LEKR1: variants seen among roughly 807,000 people sequenced by gnomAD.
The protein encoded by LEKR1 is protein LEKR1.
Under a neutral mutation model 72.4 loss-of-function variants are expected in LEKR1, and 59 were observed. The ratio of observed to expected loss-of-function variants is 0.82; its 90% CI spans 0.66 to 1.01. The LOEUF (loss-of-function observed/expected upper bound fraction) is 1.01, where lower values mean the gene tolerates loss of function less well. Among genes scored for constraint, LEKR1 ranks in the 50% least tolerant of loss-of-function variants. The pLI is 0.00. For missense variants in LEKR1, 728 were observed against 759.2 expected, an observed-to-expected ratio of 0.96 and a Z score of 0.48; for synonymous variants, 257 against 263.2, an observed-to-expected ratio of 0.98 and a Z score of 0.23.
intron 3 of LEKR1, among the ~76,000 whole-genome samples, chr3:156,897,397 A>G (rs1288311565): frequency 6.6e-6 from 1 of 152,150 alleles, no homozygotes; most frequent in Non-Finnish European, 1.5e-5. Context: ...CACAGCCCTC[A>G]GGAGGTCCTG....
At chr3:156,909,199 CT>C (rs946004203) in intron 3 of LEKR1, among the ~76,000 whole-genome samples, 1 of 152,110 alleles carries the variant, frequency 6.6e-6, no homozygotes, top group African/African-American at 2.4e-5. Flanking sequence ...AATTAAACCT[CT>C]TTCTTTTGTA....
chr3:156,939,421 T>C (rs138864352), intron 5 of LEKR1, among the ~76,000 whole-genome samples: 28 of 152,342 alleles, frequency 1.8e-4, no homozygotes, highest in Non-Finnish European at 3.2e-4. Flanking sequence ...AATAAATTTC[T>C]GTTGTTTAAG....
intron 3 of LEKR1, among the ~76,000 whole-genome samples, chr3:156,883,629 T>C (rs557303271): frequency 7.2e-5 from 11 of 152,304 alleles, no homozygotes; most frequent in African/African-American, 2.4e-4. Context: ...CTCATGGTAG[T>C]GAATAAGTCT....
At chr3:157,035,350 A>T (rs1734887141) in intron 12 of LEKR1, among the ~76,000 whole-genome samples, 1 of 152,152 alleles carries the variant, frequency 6.6e-6, no homozygotes, top group Non-Finnish European at 1.5e-5. Context: ...ATCATCAGAG[A>T]TGTCCTCCCA....
intron 10 of LEKR1, chr3:157,017,531 A>G (rs1232084467): frequency 6.6e-6 from 1 of 152,254 alleles, no homozygotes; most frequent in Non-Finnish European, 1.5e-5. Flanking sequence ...ATTCTTCTGT[A>G]AAGGGTATAC....
At chr3:156,923,729 TA>T (rs1475147680) in intron 4 of LEKR1, among the ~76,000 whole-genome samples, 14 of 117,872 alleles carry the variant, frequency 1.2e-4, no homozygotes, top group Admixed American at 3.3e-4. Context: ...AATGTATATT[TA>T]ATTTTTTTTT....
At chr3:156,948,984 T>A (rs1576881825) in intron 6 of LEKR1, among the ~76,000 whole-genome samples, 1 of 151,382 alleles carries the variant, frequency 6.6e-6, no homozygotes, top group Admixed American at 6.6e-5. Flanking sequence ...CTGTTCATGA[T>A]CTTTGCCCAC....
intron 2 of LEKR1, among the ~76,000 whole-genome samples, chr3:156,835,750 T>G (rs906440992): frequency 6.6e-6 from 1 of 151,692 alleles, no homozygotes; most frequent in African/African-American, 2.4e-5. Context: ...ACACCAAGGC[T>G]AAAAGTTCTC....
At chr3:157,017,948 C>CAAAAAAAAAAAA (rs58950224) in intron 10 of LEKR1, among the ~76,000 whole-genome samples, 110 of 82,942 alleles carry the variant, frequency 1.3e-3, no homozygotes, top group East Asian at 4.5e-3. Flanking sequence ...GACTCTGTCT[C>CAAAAAAAAAAAA]AAAAAAAAAA....
intron 7 of LEKR1, chr3:156,979,616 G>C (rs1730002041): frequency 6.3e-6 from 1 of 157,786 alleles, no homozygotes; most frequent in Non-Finnish European, 1.4e-5. Flanking sequence ...TCTTATCTTT[G>C]TTTCTTTATT....
At chr3:156,959,145 A>G (rs1319013190) in intron 6 of LEKR1, among the ~76,000 whole-genome samples, 1 of 152,162 alleles carries the variant, frequency 6.6e-6, no homozygotes, top group African/African-American at 2.4e-5. Flanking sequence ...ATTACAGTGA[A>G]TATCTTCTCC....
intron 2 of LEKR1, among the ~76,000 whole-genome samples, chr3:156,839,875 C>G (rs1713669874): frequency 6.6e-6 from 1 of 152,002 alleles, no homozygotes; most frequent in African/African-American, 2.4e-5. Context: ...AATGAAAAAG[C>G]AAAAAAGTTC....
At chr3:156,980,320 T>C (rs1296163999) in intron 7 of LEKR1, among the ~76,000 whole-genome samples, 1 of 152,168 alleles carries the variant, frequency 6.6e-6, no homozygotes, top group Non-Finnish European at 1.5e-5. Context: ...AAAAATACCC[T>C]ATCAAATTAA....
At chr3:156,920,438 T>G in intron 3 of LEKR1, 137 bp from the exon 4 acceptor site, 1 of 541,038 alleles carries the variant, frequency 1.8e-6, no homozygotes, top group Non-Finnish European at 3.1e-6. Flanking sequence ...ATATTTTTTC[T>G]GTACATTCAT....
Position 156,854,137 on chromosome 3 carries a change from C to CTTT in LEKR1, c.263+1177_263+1179dup, listed in dbSNP as rs370896609. Among the ~76,000 whole-genome samples, 177 of 108,202 alleles carry CTTT rather than the reference C, an allele frequency of 1.6e-3. 10 individuals carry two copies. The highest frequency in any genetic ancestry group is 5.1e-3 in the African/African-American group (140 of 27,686). The allele number at this position is 108,202 out of a possible 152,430, so 71.0% of individuals were successfully genotyped here. A position where few individuals can be genotyped will look rare whatever the true frequency, so the allele number is the denominator to read the frequency against. ...GTATTCTTACTGGAGGTAAAAATCACTTTTTTTTTTTTTTTTTTTTTTTTG... is the reference window on the plus strand; with the variant it reads ...GTATTCTTACTGGAGGTAAAAATCACTTTTTTTTTTTTTTTTTTTTTTTTTTTG... On this transcript the variant is annotated intron_variant, in intron 3 of 12. Transcript: ENST00000356539.
At chr3:156,829,405 A>G (rs1427438247) in intron 2 of LEKR1, 28 bp downstream of exon 2, 1 of 1,458,666 alleles carries the variant, frequency 6.9e-7, no homozygotes, top group Non-Finnish European at 9.2e-7. Flanking sequence ...GCTACAGCCT[A>G]ACAGTGGGAA....
chr3:156,854,463 A>G (rs1464794295), intron 3 of LEKR1, among the ~76,000 whole-genome samples: 1 of 151,108 alleles, frequency 6.6e-6, no homozygotes, highest in Non-Finnish European at 1.5e-5. Context: ...ACTTTTAATG[A>G]TTTGGTGTAT....
At chr3:156,910,437 T>C (rs1225265722) in intron 3 of LEKR1, among the ~76,000 whole-genome samples, 1 of 152,176 alleles carries the variant, frequency 6.6e-6, no homozygotes, top group Non-Finnish European at 1.5e-5. Flanking sequence ...CAATAGACAC[T>C]GTGGGAGATA....
intron 2 of LEKR1, among the ~76,000 whole-genome samples, chr3:156,835,668 C>A (rs958330009): frequency 6.6e-6 from 1 of 152,098 alleles, no homozygotes; most frequent in Non-Finnish European, 1.5e-5. Flanking sequence ...CCAAGTATCA[C>A]CCTGTAGTAA....
Sources: gnomAD v4.1 joint callset for allele counts (sites outside exome capture counted in the v4.1 genomes callset) on GRCh38, gnomAD v4.1.1 for gene constraint, MANE v1.5 for transcripts, NCBI Gene and HGNC (gene_info 2026-07-23, HGNC 2026-07-21) for gene names.